Variants in UMAD1 observed in about 807,000 individuals in gnomAD.
UMAD1 encodes UBAP1-MVB12-associated (UMA)-domain containing protein 1.
UMAD1 carries 8 observed loss-of-function variants against 6.1 expected under a neutral mutation model. The observed-to-expected ratio is 1.30, with a 90% CI of 0.76 to 2.35. The LOEUF is 2.35. Among genes scored for constraint, UMAD1 ranks in the 30% most tolerant of loss-of-function variants. The pLI is 0.00. For missense variants in UMAD1, 130 were observed against 78.4 expected (o/e 1.66, Z -2.49); for synonymous variants, 56 against 31.4 (o/e 1.78, Z -2.61).
chr7:7,732,608 A>G (rs1183637181), intron 2 of UMAD1, among the ~76,000 whole-genome samples: 3 of 152,170 alleles, frequency 2.0e-5, no homozygotes, highest in African/African-American at 7.2e-5. Context: ...ATTCAGTCTG[A>G]TTTTCCACCT....
At chr7:7,642,100 G>A (rs1784986764) in intron 1 of UMAD1, among the ~76,000 whole-genome samples, 1 of 152,174 alleles carries the variant, frequency 6.6e-6, no homozygotes, top group Non-Finnish European at 1.5e-5. Context: ...AAGTTGATGT[G>A]CATTATATAG....
At chr7:7,642,013 G>T (rs1465400495) in intron 1 of UMAD1, among the ~76,000 whole-genome samples, 1 of 152,172 alleles carries the variant, frequency 6.6e-6, no homozygotes. Flanking sequence ...AGTTGTGGTT[G>T]TATTGGTGCA....
chr7:7,678,042 A>G (rs62432576), intron 2 of UMAD1, among the ~76,000 whole-genome samples: 8,750 of 152,266 alleles, frequency 0.057, 327 homozygotes, highest in Middle Eastern at 0.13. Flanking sequence ...TAGTACTGCA[A>G]TAAACATGGG....
Position 7,877,338 on chromosome 7 carries a change from GCAGGC to G in UMAD1, c.218_222del (p.Gly73AspfsTer32). On this transcript the variant is annotated frameshift_variant, in exon 4 of 4. Transcript: ENST00000682710. LOFTEE classifies it high-confidence loss of function. Reference sequence around the variant, plus strand: ...ATCAGACCCTGAGATGGAAAATAAGGCAGGCCAGACTCTGGAGAACAGCTCATTAA... The same window carrying G: ...ATCAGACCCTGAGATGGAAAATAAGGCAGACTCTGGAGAACAGCTCATTAA... 1.4e-6 allele frequency: 1 copy of G among 717,502 alleles called. No individual in the cohort carries two copies. The highest frequency in any genetic ancestry group is 2.6e-6 in the Non-Finnish European group (1 of 385,102). 44.4% of individuals were successfully genotyped at this position (717,502 alleles called of 1,614,324 possible). A position where few individuals can be genotyped will look rare whatever the true frequency, so the allele number is the denominator to read the frequency against.
chr7:7,658,028 G>A (rs1481039096), intron 1 of UMAD1, among the ~76,000 whole-genome samples: 1 of 152,112 alleles, frequency 6.6e-6, no homozygotes, highest in Non-Finnish European at 1.5e-5. Flanking sequence ...GGTCCTTCAT[G>A]TCCCTTGTAA....
intron 3 of UMAD1, among the ~76,000 whole-genome samples, chr7:7,860,110 T>C (rs898635959): frequency 6.6e-6 from 1 of 152,182 alleles, no homozygotes; most frequent in African/African-American, 2.4e-5. Flanking sequence ...CAGAAAAGTA[T>C]TGTAGTGTAG....
chr7:7,805,532 T>A (rs1352010410), intron 3 of UMAD1, among the ~76,000 whole-genome samples: 2 of 150,476 alleles, frequency 1.3e-5, no homozygotes, highest in Non-Finnish European at 1.5e-5. Context: ...CAGCCCATTC[T>A]CCACATAGCA....
At chr7:7,668,129 G>T (rs1388623325) in intron 1 of UMAD1, among the ~76,000 whole-genome samples, 2 of 151,886 alleles carry the variant, frequency 1.3e-5, no homozygotes, top group African/African-American at 4.8e-5. Flanking sequence ...GCCCAGGCTG[G>T]TCTCAACTCT....
chr7:7,649,650 G>A (rs1046207648), intron 1 of UMAD1, among the ~76,000 whole-genome samples: 5 of 151,826 alleles, frequency 3.3e-5, no homozygotes, highest in African/African-American at 1.2e-4. Context: ...ATCAGTCTGT[G>A]TTAATTTGAA....
At chr7:7,742,312 CG>C (rs1781486831) in intron 2 of UMAD1, 2 of 630,160 alleles carry the variant, frequency 3.2e-6, no homozygotes, top group Non-Finnish European at 6.1e-6. Flanking sequence ...CAGTGGTCAG[CG>C]GAAATTTGAT....
intron 2 of UMAD1, among the ~76,000 whole-genome samples, chr7:7,723,575 T>C (rs1781088561): frequency 6.6e-6 from 1 of 152,186 alleles, no homozygotes; most frequent in Non-Finnish European, 1.5e-5. Flanking sequence ...CCAGAAGATA[T>C]ACTTTTGACC....
Position 7,831,979 on chromosome 7 carries a change from T to A in UMAD1, c.156+30236T>A, listed in dbSNP as rs140503885. Among the ~76,000 whole-genome samples the A allele has an allele frequency of 7.4e-4, 112 of 152,300 alleles. No homozygotes were observed. The Middle Eastern group carries it at 0.02, about 28-fold the overall frequency. ...TACAATTAGCCAATTGTGTGTGCAA[T>A]TAGATGTGTATGCAGTTTTTGCCTG... On this transcript the variant is annotated intron_variant, in intron 3 of 3. Coordinates refer to ENST00000682710, the MANE Select transcript of UMAD1 (RefSeq NM_001302348.2).
At chr7:7,684,521 T>G (rs765431099) in intron 2 of UMAD1, among the ~76,000 whole-genome samples, 9 of 152,094 alleles carry the variant, frequency 5.9e-5, no homozygotes, top group Non-Finnish European at 1.2e-4. Context: ...CACAAGCAAT[T>G]TTTTTTTCTG....
intron 3 of UMAD1, among the ~76,000 whole-genome samples, chr7:7,869,630 T>C (rs1784300223): frequency 6.6e-6 from 1 of 152,090 alleles, no homozygotes. Context: ...AAGCAGGAGG[T>C]TTTAAAAGAA....
intron 3 of UMAD1, among the ~76,000 whole-genome samples, chr7:7,832,937 C>T (rs1006376394): frequency 6.6e-6 from 1 of 151,916 alleles, no homozygotes. Flanking sequence ...CAGGGGGGAA[C>T]GTTTGATGGA....
In UMAD1 at chr7:7,856,637, G is replaced by GT. The variant is rs539776579; in HGVS notation, c.157-20637dup. On this transcript the variant is annotated intron_variant, in intron 3 of 3. Coordinates refer to ENST00000682710, the MANE Select transcript of UMAD1 (RefSeq NM_001302348.2). ...AAAGGGTATTGGATATTTTTCATAT[G>GT]TTTTTTTCTGAGCCTATTGAGTTGA... 8.5e-5 allele frequency among the ~76,000 whole-genome samples: 13 copies of GT among 152,154 alleles called. No individual in the cohort carries two copies. The South Asian group carries it at 2.3e-3, about 27-fold the overall frequency.
At chr7:7,870,733 A>C (rs1330408809) in intron 3 of UMAD1, among the ~76,000 whole-genome samples, 1 of 152,148 alleles carries the variant, frequency 6.6e-6, no homozygotes, top group East Asian at 1.9e-4. Context: ...CTCCCCTTCC[A>C]GCTCTCAGCA....
chr7:7,850,678 A>T (rs1481638756), intron 3 of UMAD1, among the ~76,000 whole-genome samples: 1 of 152,126 alleles, frequency 6.6e-6, no homozygotes, highest in African/African-American at 2.4e-5. Context: ...ACAATTATTA[A>T]ACATGAAGGT....
In UMAD1 at chr7:7,815,442, T is replaced by C. The variant is rs113114321; in HGVS notation, c.156+13699T>C. On this transcript the variant is annotated intron_variant, in intron 3 of 3. Transcript: ENST00000682710. ...TAAATCATTTAGGAATTATGCTCAATTGAGAGTTACAGTAAAAGGCAGGGG... is the reference window on the plus strand; with the variant it reads ...TAAATCATTTAGGAATTATGCTCAACTGAGAGTTACAGTAAAAGGCAGGGG... Among the ~76,000 whole-genome samples the C allele has an allele frequency of 4.9e-3, 751 of 152,258 alleles. 3 individuals are homozygous for C. Among genetic ancestry groups the C allele is most frequent in the African/African-American group, 0.017 (712 of 41,542 alleles).
Sources: allele counts gnomAD v4.1 joint callset (sites outside exome capture counted in the v4.1 genomes callset), GRCh38; gene constraint gnomAD v4.1.1; transcripts MANE v1.5; gene names NCBI Gene and HGNC (gene_info 2026-07-23, HGNC 2026-07-21).